EHBP1: variants seen among roughly 807,000 people sequenced by gnomAD.
The protein encoded by EHBP1 is EH domain-binding protein 1.
EHBP1 carries 55 observed loss-of-function variants against 144.0 expected under a neutral mutation model. The observed-to-expected ratio is 0.38, with a 90% CI of 0.31 to 0.48. The LOEUF (loss-of-function observed/expected upper bound fraction) is 0.48, where lower values mean the gene tolerates loss of function less well. Ranked by LOEUF, EHBP1 falls within the 20% of genes least tolerant of loss-of-function variation. EHBP1 has a pLI of 0.98. For missense variants in EHBP1, 1,200 were observed against 1,364.2 expected, an observed-to-expected ratio of 0.88 and a Z score of 1.90; for synonymous variants, 469 against 472.7, an observed-to-expected ratio of 0.99 and a Z score of 0.10.
intron 10 of EHBP1, among the ~76,000 whole-genome samples, chr2:62,928,887 A>G (rs1266666395): frequency 6.6e-6 from 1 of 151,942 alleles, no homozygotes; most frequent in Non-Finnish European, 1.5e-5. Flanking sequence ...AAAATTAGAA[A>G]TTAAATAAAG....
intron 2 of EHBP1, among the ~76,000 whole-genome samples, chr2:62,727,117 T>G (rs1168468577): frequency 6.6e-6 from 1 of 152,190 alleles, no homozygotes; most frequent in Non-Finnish European, 1.5e-5. Context: ...CGCCTTGGCC[T>G]CCCAAAGTGC....
intron 14 of EHBP1, among the ~76,000 whole-genome samples, chr2:62,970,110 T>C (rs936160630): frequency 6.6e-6 from 1 of 150,910 alleles, no homozygotes; most frequent in Non-Finnish European, 1.5e-5. Context: ...TTTTTTTCGG[T>C]CCATTCTGAA....
intron 16 of EHBP1, 24 bp downstream of exon 16, chr2:62,990,864 T>G (rs370715102): frequency 6.3e-7 from 1 of 1,594,026 alleles, no homozygotes; most frequent in Non-Finnish European, 8.5e-7. Flanking sequence ...GTTTAAAACA[T>G]TTGGCTTAGT....
intron 6 of EHBP1, among the ~76,000 whole-genome samples, chr2:62,826,784 G>T (rs2046373313): frequency 6.6e-6 from 1 of 152,144 alleles, no homozygotes; most frequent in African/African-American, 2.4e-5. Flanking sequence ...CTTAAGCACT[G>T]AGTCAGCATT....
rs537682399 is a variant in EHBP1 at position 62,986,685 on chromosome 2, C to G, written c.2609-4031C>G. Among the ~76,000 whole-genome samples the G allele has an allele frequency of 3.3e-5, 5 of 152,216 alleles. No individual in the cohort carries two copies. In the East Asian group the frequency reaches 7.7e-4, roughly 24 times the overall value. On this transcript the variant is annotated intron_variant, in intron 15 of 22. Coordinates refer to ENST00000431489, the MANE Select transcript of EHBP1 (RefSeq NM_001142616.3). Reference sequence around the variant, plus strand: ...AACTCCTGACCTTGTGATCCACCTGCCTCAGCCTCCCAAAGTGCTGGTATT... The same window carrying G: ...AACTCCTGACCTTGTGATCCACCTGGCTCAGCCTCCCAAAGTGCTGGTATT...
intron 2 of EHBP1, among the ~76,000 whole-genome samples, chr2:62,713,277 G>C (rs1379038890): frequency 6.8e-6 from 1 of 147,994 alleles, no homozygotes; most frequent in Non-Finnish European, 1.5e-5. Context: ...TTTTGAGACA[G>C]AGTCACACTC....
intron 16 of EHBP1, among the ~76,000 whole-genome samples, chr2:62,991,572 G>C (rs953030300): frequency 6.6e-6 from 1 of 152,172 alleles, no homozygotes; most frequent in Admixed American, 6.5e-5. Context: ...AAATGTTTAA[G>C]ATAACTTGCA....
At position 62,790,625 on chromosome 2, in the gene EHBP1, C is replaced by T. The variant is rs188789127; in HGVS notation, c.312+19233C>T. ...GTAATCATTAATTTTAAATAATTTT[C>T]GTTTCTACATGTAAGTTATACACGG... On this transcript the variant is annotated intron_variant, in intron 5 of 22. Transcript: ENST00000431489. 3.2e-4 allele frequency among the ~76,000 whole-genome samples: 49 copies of T among 152,112 alleles called. 1 individual carries two copies. In the East Asian group the frequency reaches 8.3e-3, roughly 26 times the overall value.
At chr2:62,804,193 A>G (rs1347539935) in intron 5 of EHBP1, among the ~76,000 whole-genome samples, 1 of 152,182 alleles carries the variant, frequency 6.6e-6, no homozygotes, top group Non-Finnish European at 1.5e-5. Context: ...CCTTTGGGGG[A>G]GAGACAGTTG....
chr2:63,044,272 A>AC (rs1028593039), intron 21 of EHBP1: 4 of 150,158 alleles, frequency 2.7e-5, no homozygotes, highest in African/African-American at 9.7e-5. Flanking sequence ...AAAAAAAAAA[A>AC]AAAAAAACGC....
chr2:63,044,991 G>C, intron 21 of EHBP1, 75 bp from the exon 22 acceptor site: 3 of 1,092,642 alleles, frequency 2.7e-6, no homozygotes, highest in Non-Finnish European at 2.7e-6. Flanking sequence ...AACTGGAAAA[G>C]GCGGGAAGGG....
intron 5 of EHBP1, among the ~76,000 whole-genome samples, chr2:62,773,793 G>A (rs968330731): frequency 7.3e-6 from 1 of 136,782 alleles, no homozygotes; most frequent in Non-Finnish European, 1.5e-5. Context: ...GGAGGTTGCA[G>A]TGAGCCGAGA....
At chr2:62,926,448 A>T (rs1558925989) in intron 10 of EHBP1, among the ~76,000 whole-genome samples, 1 of 152,204 alleles carries the variant, frequency 6.6e-6, no homozygotes, top group African/African-American at 2.4e-5. Context: ...TGGAGGATTA[A>T]TACCCAGAAT....
chr2:62,862,507 G>T (rs534277086), intron 8 of EHBP1, among the ~76,000 whole-genome samples: 1 of 152,228 alleles, frequency 6.6e-6, no homozygotes, highest in East Asian at 1.9e-4. Context: ...CTCCTCAGGA[G>T]GTTGAGGCAG....
chr2:62,798,712 T>G (rs950830596), intron 5 of EHBP1, among the ~76,000 whole-genome samples: 1 of 151,984 alleles, frequency 6.6e-6, no homozygotes, highest in South Asian at 2.1e-4. Flanking sequence ...TAGAAATTCA[T>G]GCTATAGGAA....
chr2:62,923,800 T>C (rs930316708), intron 10 of EHBP1, among the ~76,000 whole-genome samples: 1 of 152,124 alleles, frequency 6.6e-6, no homozygotes, highest in Admixed American at 6.6e-5. Context: ...ACCAACCAAA[T>C]AGCCTTGCAC....
chr2:63,033,468 T>C (rs2061340642), intron 19 of EHBP1, among the ~76,000 whole-genome samples: 1 of 152,208 alleles, frequency 6.6e-6, no homozygotes, highest in Admixed American at 6.5e-5. Context: ...CCTACATTTA[T>C]ATGTATTTAC....
chr2:62,846,674 A>G (rs1218072077), intron 7 of EHBP1, among the ~76,000 whole-genome samples: 1 of 152,186 alleles, frequency 6.6e-6, no homozygotes, highest in African/African-American at 2.4e-5. Flanking sequence ...AATCTACTGT[A>G]TTTTTATATA....
Position 62,955,476 on chromosome 2 carries a change from G to A in EHBP1, c.2317-41G>A, listed in dbSNP as rs373426528. 105 of 1,361,780 alleles carry A rather than the reference G, an allele frequency of 7.7e-5. 2 individuals carry two copies. The Admixed American group carries it at 8.4e-4, about 11-fold the overall frequency. The allele number at this position is 1,361,780 out of a possible 1,614,324, so 84.4% of individuals were successfully genotyped here. On this transcript the variant is annotated intron_variant, in intron 13 of 22. Coordinates refer to ENST00000431489, the MANE Select transcript of EHBP1 (RefSeq NM_001142616.3). ...ATTAGTTTACAAATGTAGATTACCCGTTTTTTTTTTGGCTTCTAATTCTGT... is the reference window on the plus strand; with the variant it reads ...ATTAGTTTACAAATGTAGATTACCCATTTTTTTTTTGGCTTCTAATTCTGT...
Sources: allele counts gnomAD v4.1 joint callset (sites outside exome capture counted in the v4.1 genomes callset), GRCh38; gene constraint gnomAD v4.1.1; transcripts MANE v1.5; gene names NCBI Gene and HGNC (gene_info 2026-07-23, HGNC 2026-07-21).